Variants in POLA1 observed in about 807,000 individuals in gnomAD.
The protein encoded by POLA1 is DNA polymerase alpha catalytic subunit.
A neutral mutation model predicts 124.0 loss-of-function variants in POLA1; 15 were observed. The ratio of observed to expected loss-of-function variants is 0.12; its 90% CI spans 0.08 to 0.19. The LOEUF is 0.19. Among genes scored for constraint, POLA1 ranks in the 10% least tolerant of loss-of-function variants. The pLI is 1.00. For missense variants in POLA1, 886 were observed against 1,103.4 expected (o/e 0.80, Z 2.79); for synonymous variants, 408 against 389.4 (o/e 1.05, Z -0.56).
intron 34 of POLA1, among the ~76,000 whole-genome samples, chrX:24,859,074 A>G (rs182394914): frequency 8.9e-4 from 99 of 110,951 alleles, no homozygotes; most frequent in Non-Finnish European, 1.6e-3. Flanking sequence ...ATTATATTCC[A>G]CTTACATTGC....
intron 1 of POLA1, 55 bp downstream of exon 1, chrX:24,694,059 G>T: frequency 9.5e-7 from 1 of 1,049,704 alleles, no homozygotes; most frequent in Non-Finnish European, 1.3e-6. Context: ...CATGATTGCC[G>T]GTGGTGGGGG....
At chrX:24,901,918 G>A (rs2047284977) in intron 35 of POLA1, among the ~76,000 whole-genome samples, 1 of 111,600 alleles carries the variant, frequency 9.0e-6, no homozygotes, top group Non-Finnish European at 1.9e-5. Flanking sequence ...GGAAAAAAAT[G>A]AGTTGTGTTT....
At chrX:24,707,532 C>T (rs1336056488) in intron 4 of POLA1, among the ~76,000 whole-genome samples, 2 of 112,070 alleles carry the variant, frequency 1.8e-5, no homozygotes, top group Admixed American at 1.9e-4. Context: ...CCACAAGTCC[C>T]CACTGTTTTA....
intron 20 of POLA1, 86 bp downstream of exon 20, chrX:24,739,636 C>T (rs1931515000): frequency 1.8e-6 from 1 of 561,421 alleles, no homozygotes; most frequent in Non-Finnish European, 2.8e-6. Context: ...TCTGGAGGGA[C>T]ATGAGCCAGT....
At chrX:24,970,493 A>G (rs1356145501) in intron 36 of POLA1, among the ~76,000 whole-genome samples, 2 of 112,166 alleles carry the variant, frequency 1.8e-5, no homozygotes, top group Non-Finnish European at 3.8e-5. Flanking sequence ...GCACAGCAAA[A>G]GAAACTATCA....
intron 4 of POLA1, among the ~76,000 whole-genome samples, chrX:24,713,872 G>C (rs1171321782): frequency 8.9e-6 from 1 of 112,039 alleles, no homozygotes; most frequent in Non-Finnish European, 1.9e-5. Context: ...TTTCCTATCA[G>C]ATTCAGTATA....
intron 35 of POLA1, among the ~76,000 whole-genome samples, chrX:24,896,643 C>T (rs6628039): frequency 0.45 from 49,043 of 110,057 alleles, 8,845 homozygotes; most frequent in East Asian, 0.66. Context: ...AGCACAGATG[C>T]CTTAGAGTAG....
intron 36 of POLA1, among the ~76,000 whole-genome samples, chrX:24,978,825 A>G: frequency 8.9e-6 from 1 of 112,356 alleles, no homozygotes; most frequent in Non-Finnish European, 1.9e-5. Context: ...CAACTTTGTT[A>G]GAGATATCCC....
intron 1 of POLA1, among the ~76,000 whole-genome samples, chrX:24,697,561 A>G (rs908805524): frequency 8.9e-6 from 1 of 112,164 alleles, no homozygotes; most frequent in Non-Finnish European, 1.9e-5. Context: ...GAGAGATTCC[A>G]TTTCTAGAAA....
chrX:24,919,701 A>ATG (rs760980735), intron 35 of POLA1, among the ~76,000 whole-genome samples: 4 of 109,825 alleles, frequency 3.6e-5, no homozygotes, highest in Non-Finnish European at 7.6e-5. Flanking sequence ...ACATGGGTAA[A>ATG]TGTGTGCCAT....
At chrX:24,777,545 A>G (rs900166496) in intron 26 of POLA1, among the ~76,000 whole-genome samples, 2 of 112,737 alleles carry the variant, frequency 1.8e-5, no homozygotes, top group Non-Finnish European at 3.7e-5. Context: ...CACATAATGG[A>G]AAATTTACCA....
At chrX:24,747,229 G>C (rs1159675663) in intron 24 of POLA1, among the ~76,000 whole-genome samples, 1 of 104,306 alleles carries the variant, frequency 9.6e-6, no homozygotes, top group African/African-American at 3.6e-5. Flanking sequence ...GCAATGTTGT[G>C]ATCTTGGCTC....
intron 28 of POLA1, among the ~76,000 whole-genome samples, 192 bp downstream of exon 28, chrX:24,810,992 C>T (rs2045889332): frequency 9.0e-6 from 1 of 111,591 alleles, no homozygotes; most frequent in Admixed American, 9.5e-5. Context: ...CTCTGTCACC[C>T]AGGCTTGAGT....
At chrX:24,924,184 G>A (rs928217761) in intron 35 of POLA1, among the ~76,000 whole-genome samples, 3 of 112,044 alleles carry the variant, frequency 2.7e-5, no homozygotes, top group Admixed American at 9.5e-5. Flanking sequence ...ATTGGGAAAC[G>A]TATAGGATCT....
chrX:24,742,186 T>G, intron 22 of POLA1, 65 bp downstream of exon 22: 11 of 759,401 alleles, frequency 1.4e-5, no homozygotes, highest in East Asian at 5.3e-5. Flanking sequence ...AATACCTAGA[T>G]AGCCTTTTTT....
At chrX:24,723,915 G>A (rs1322442773) in intron 11 of POLA1, among the ~76,000 whole-genome samples, 1 of 112,377 alleles carries the variant, frequency 8.9e-6, no homozygotes, top group Non-Finnish European at 1.9e-5. Flanking sequence ...TCCTGACCTT[G>A]TGATCTGCCC....
At chrX:24,933,131 AG>A (rs888082080) in intron 36 of POLA1, among the ~76,000 whole-genome samples, 2 of 111,813 alleles carry the variant, frequency 1.8e-5, no homozygotes, top group Non-Finnish European at 3.8e-5. Flanking sequence ...CGTGCAGCCA[AG>A]TTTGAGAACC....
intron 34 of POLA1, among the ~76,000 whole-genome samples, chrX:24,883,561 T>A (rs190035118): frequency 6.2e-5 from 7 of 112,243 alleles, no homozygotes; most frequent in Admixed American, 5.7e-4. Flanking sequence ...CAATCAACAT[T>A]TGACACAATT....
At chrX:24,928,959 C>A (rs895826262) in intron 35 of POLA1, among the ~76,000 whole-genome samples, 1 of 111,622 alleles carries the variant, frequency 9.0e-6, no homozygotes, top group African/African-American at 3.3e-5. Flanking sequence ...AGACAATAGC[C>A]CTGACCGATA....
Sources: allele counts gnomAD v4.1 joint callset (sites outside exome capture counted in the v4.1 genomes callset), GRCh38; gene constraint gnomAD v4.1.1; transcripts MANE v1.5; gene names NCBI Gene and HGNC (gene_info 2026-07-23, HGNC 2026-07-21).